Variants in SLCO4A1 observed in about 807,000 individuals in gnomAD.
SLCO4A1 encodes colon organic anion transporter.
SLCO4A1 carries 51 observed loss-of-function variants against 64.6 expected under a neutral mutation model. That is an observed-to-expected ratio of 0.79 (90% CI 0.63 to 1.00). The LOEUF is 1.00. Ranked by LOEUF, SLCO4A1 falls within the 50% of genes least tolerant of loss-of-function variation. The pLI, the probability that SLCO4A1 is intolerant of heterozygous loss-of-function variation, is 0.00. For synonymous variants in SLCO4A1, 471 were observed against 444.9 expected (o/e 1.06, Z -0.74); for missense variants, 919 against 980.5 (o/e 0.94, Z 0.84).
chr20:62,668,666 G>T (rs1986817066), intron 10 of SLCO4A1, 125 bp downstream of exon 10: 3 of 979,448 alleles, frequency 3.1e-6, no homozygotes, highest in Admixed American at 3.5e-5. Flanking sequence ...GCCTGGGAAG[G>T]GGTCCATTCC....
chr20:62,670,186 C>G (rs779764409), intron 11 of SLCO4A1: 8 of 152,236 alleles, frequency 5.3e-5, no homozygotes, highest in Non-Finnish European at 1.0e-4. Flanking sequence ...CTCTGTGATA[C>G]GCCTTTCGCT....
At position 62,672,265 on chromosome 20, in the gene SLCO4A1, A is replaced by G. The variant is rs900095955; in HGVS notation, c.*372A>G. The G allele has an allele frequency of 5.2e-6, 6 of 1,158,624 alleles. No individual in the cohort carries two copies. Among genetic ancestry groups the G allele is most frequent in the Non-Finnish European group, 6.4e-6 (6 of 932,660 alleles). The allele number at this position is 1,158,624 out of a possible 1,614,324, so 71.8% of individuals were successfully genotyped here. A position where few individuals can be genotyped will look rare whatever the true frequency, so the allele number is the denominator to read the frequency against. ...TGTGTCCTCAGTTAAAACTGTGCAT[A>G]TCGAAATATATTTTGTTATTTAAGC... On this transcript the variant is annotated 3_prime_UTR_variant, in exon 12 of 12. Coordinates refer to ENST00000217159, the MANE Select transcript of SLCO4A1 (RefSeq NM_016354.4).
chr20:62,666,426 CTTCT>C lies in SLCO4A1; in HGVS notation c.1326_1329del (p.Phe442LeufsTer2). 6.2e-7 allele frequency: 1 copy of C among 1,613,144 alleles called. No homozygotes were observed. The highest frequency in any genetic ancestry group is 8.5e-7 in the Non-Finnish European group (1 of 1,179,928). ...GTGGTGGCGGCACCTTCCTGGGCGG[CTTCT>C]TTGTGAACAAGCTCAGGCTCCGGGG... On this transcript the variant is annotated frameshift_variant, in exon 7 of 12. Coordinates refer to ENST00000217159, the MANE Select transcript of SLCO4A1 (RefSeq NM_016354.4). LOFTEE classifies it high-confidence loss of function.
At chr20:62,642,952 C>G (rs1176657339) in intron 1 of SLCO4A1, 1 of 467,032 alleles carries the variant, frequency 2.1e-6, no homozygotes, top group Non-Finnish European at 4.4e-6. Context: ...GGCGCAGGCC[C>G]CACAGATCCA....
chr20:62,655,121 G>A (rs1260858174), intron 1 of SLCO4A1, among the ~76,000 whole-genome samples: 1 of 152,210 alleles, frequency 6.6e-6, no homozygotes, highest in Non-Finnish European at 1.5e-5. Context: ...TTCTTTTAGG[G>A]GTCACAATTC....
intron 1 of SLCO4A1, chr20:62,642,946 C>G: frequency 6.5e-6 from 3 of 463,858 alleles, no homozygotes; most frequent in South Asian, 3.1e-5. Context: ...CGCGCAGGCG[C>G]AGGCCCCACA....
chr20:62,684,807 C>T (rs1385274567), intron 2 of SLCO4A1, among the ~76,000 whole-genome samples: 2 of 152,194 alleles, frequency 1.3e-5, no homozygotes, highest in Non-Finnish European at 2.9e-5. Flanking sequence ...ATCCCCACAC[C>T]TGGAAGTCGC....
chr20:62,665,661 A>C (rs1986049123), intron 6 of SLCO4A1, among the ~76,000 whole-genome samples: 2 of 151,972 alleles, frequency 1.3e-5, no homozygotes, highest in Admixed American at 1.3e-4. Context: ...GCATCAGATG[A>C]GGGCTCCCCT....
At chr20:62,657,783 C>G (rs1008074317) in intron 2 of SLCO4A1, among the ~76,000 whole-genome samples, 1 of 152,252 alleles carries the variant, frequency 6.6e-6, no homozygotes, top group Non-Finnish European at 1.5e-5. Flanking sequence ...ACCGTGTCTG[C>G]TCCGGCAGCC....
intron 2 of SLCO4A1, 75 bp downstream of exon 2, chr20:62,657,325 G>A (rs1326838782): frequency 1.9e-5 from 26 of 1,344,058 alleles, no homozygotes; most frequent in Admixed American, 4.6e-5. Context: ...GTAACTGGCC[G>A]GAGCCAGCCC....
intron 1 of SLCO4A1, among the ~76,000 whole-genome samples, chr20:62,656,014 C>A (rs928439598): frequency 3.9e-5 from 6 of 152,252 alleles, no homozygotes; most frequent in African/African-American, 1.4e-4. Flanking sequence ...GCTCCACTCT[C>A]CACCGCGTGG....
intron 9 of SLCO4A1, 112 bp from the exon 10 acceptor site, chr20:62,668,365 G>GA: frequency 7.7e-7 from 1 of 1,300,122 alleles, no homozygotes; most frequent in South Asian, 1.2e-5. Flanking sequence ...TTCCCACTTG[G>GA]GGGGGGGTGA....
intron 1 of SLCO4A1, among the ~76,000 whole-genome samples, chr20:62,642,807 G>A (rs545447350): frequency 6.6e-6 from 1 of 152,320 alleles, no homozygotes; most frequent in Admixed American, 6.5e-5. Context: ...GTCGCCCGCA[G>A]GAGGACCGAG....
At chr20:62,675,757 T>C (rs1987561362), downstream of SLCO4A1, among the ~76,000 whole-genome samples, 1 of 152,192 alleles carries the variant, frequency 6.6e-6, no homozygotes, top group Admixed American at 6.5e-5. Flanking sequence ...ACATGGGCCC[T>C]GGATACGCCC....
chr20:62,671,632 C>A (rs989041337), intron 11 of SLCO4A1, 118 bp from the exon 12 acceptor site: 1 of 898,228 alleles, frequency 1.1e-6, no homozygotes, highest in Admixed American at 2.3e-5. Flanking sequence ...GATGGGTTTC[C>A]GTGGACCTGG....
At position 62,657,244 on chromosome 20, in the gene SLCO4A1, T is replaced by C. The variant is rs1267740342; in HGVS notation, c.790T>C (p.Tyr264His). ...CGTCAAGTCCAGCTGCTCGCCCGTC[T>C]ACATTGGTGAGTGGGGCTGGCGGGG... ...ENVKSSCSPV[Y>H]IAIFYTAAIL... The change falls in exon 2 of 12, where the codon TAC becomes CAC. Residue 264 changes from tyrosine (Y) to histidine (H), a missense_variant. Transcript: ENST00000217159. 1.3e-6 allele frequency: 2 copies of C among 1,524,770 alleles called. No homozygotes were observed. Among genetic ancestry groups the C allele is most frequent in the Non-Finnish European group, 1.8e-6 (2 of 1,128,594 alleles). 94.5% of individuals were successfully genotyped at this position (1,524,770 alleles called of 1,614,324 possible). A position where few individuals can be genotyped will look rare whatever the true frequency, so the allele number is the denominator to read the frequency against.
Position 62,665,119 on chromosome 20 carries a change from C to G in SLCO4A1, c.1276+31C>G, listed in dbSNP as rs147893045. On this transcript the variant is annotated intron_variant, in intron 6 of 11. Transcript: ENST00000217159. Reference sequence around the variant, plus strand: ...AAAACTGAATCTTGGGGGTCCTCTGCTTTTATGTCAGTTCTCAGAAACAGA... The same window carrying G: ...AAAACTGAATCTTGGGGGTCCTCTGGTTTTATGTCAGTTCTCAGAAACAGA... 1,790 of 1,584,768 alleles carry G rather than the reference C, an allele frequency of 1.1e-3. 20 individuals are homozygous for G. The African/African-American group carries it at 0.022, about 19-fold the overall frequency.
chr20:62,650,978 T>C (rs1982376809), intron 1 of SLCO4A1, among the ~76,000 whole-genome samples: 1 of 152,210 alleles, frequency 6.6e-6, no homozygotes, highest in South Asian at 2.1e-4. Flanking sequence ...ATGCCAGTGC[T>C]TAGGACGTAT....
downstream of SLCO4A1, among the ~76,000 whole-genome samples, chr20:62,673,660 G>A (rs573524566): frequency 9.0e-5 from 13 of 144,728 alleles, 1 homozygote; most frequent in African/African-American, 2.0e-4. Context: ...CGGGAACCCC[G>A]CATGGCCAGG....
Sources: allele counts gnomAD v4.1 joint callset (sites outside exome capture counted in the v4.1 genomes callset), GRCh38; gene constraint gnomAD v4.1.1; transcripts MANE v1.5; gene names NCBI Gene and HGNC (gene_info 2026-07-23, HGNC 2026-07-21).